PHEX: variants seen among roughly 807,000 people sequenced by gnomAD.
PHEX encodes the protein phosphate regulating endopeptidase X-linked, also known as phosphate-regulating neutral endopeptidase PHEX.
A neutral mutation model predicts 68.0 loss-of-function variants in PHEX; 16 were observed. The observed-to-expected ratio is 0.24, with a 90% CI of 0.16 to 0.36. The LOEUF (loss-of-function observed/expected upper bound fraction) is 0.36, where lower values mean the gene tolerates loss of function less well. Ranked by LOEUF, PHEX falls within the 10% of genes least tolerant of loss-of-function variation. The pLI is 1.00. For missense variants in PHEX, 480 were observed against 575.5 expected, an observed-to-expected ratio of 0.83 and a Z score of 1.70; for synonymous variants, 208 against 205.1, an observed-to-expected ratio of 1.01 and a Z score of -0.12.
intron 3 of PHEX, among the ~76,000 whole-genome samples, chrX:22,069,698 G>A (rs1181217836): frequency 9.0e-6 from 1 of 111,547 alleles, no homozygotes; most frequent in East Asian, 2.8e-4. Context: ...ATATTTAGGT[G>A]GGAGTTTTCT....
chrX:22,222,658 C>T (rs1373054151), intron 18 of PHEX, among the ~76,000 whole-genome samples: 1 of 111,591 alleles, frequency 9.0e-6, no homozygotes, highest in East Asian at 2.8e-4. Flanking sequence ...GGTTAAAAAC[C>T]CCCCAAAAAA....
intron 12 of PHEX, among the ~76,000 whole-genome samples, chrX:22,150,023 A>G (rs752627012): frequency 1.8e-5 from 2 of 111,935 alleles, no homozygotes; most frequent in Non-Finnish European, 3.8e-5. Flanking sequence ...CTTTATCAGC[A>G]TCTAATGAGA....
intron 12 of PHEX, among the ~76,000 whole-genome samples, chrX:22,164,874 A>T (rs922664742): frequency 8.9e-6 from 1 of 112,188 alleles, no homozygotes; most frequent in Non-Finnish European, 1.9e-5. Flanking sequence ...ACCTCTAGTT[A>T]TCTGCTATCT....
chrX:22,234,880 C>G, intron 20 of PHEX, among the ~76,000 whole-genome samples: 1 of 109,761 alleles, frequency 9.1e-6, no homozygotes, highest in East Asian at 2.9e-4. Flanking sequence ...CAACAAAAAA[C>G]TCTTGCAGCT....
intron 11 of PHEX, among the ~76,000 whole-genome samples, chrX:22,124,424 T>C (rs1602315613): frequency 8.9e-6 from 1 of 112,103 alleles, no homozygotes; most frequent in African/African-American, 3.2e-5. Context: ...CTTTGCCACA[T>C]ATTATCAGCC....
At chrX:22,241,531 CTAAT>C (rs1426268949) in intron 20 of PHEX, among the ~76,000 whole-genome samples, 1 of 110,735 alleles carries the variant, frequency 9.0e-6, no homozygotes, top group Non-Finnish European at 1.9e-5. Flanking sequence ...ACTAGCCAGA[CTAAT>C]AAAGAATAAA....
intron 15 of PHEX, among the ~76,000 whole-genome samples, chrX:22,196,354 G>A (rs1569424477): frequency 8.9e-6 from 1 of 112,224 alleles, no homozygotes; most frequent in Non-Finnish European, 1.9e-5. Flanking sequence ...ACCAGGGATT[G>A]GCAAACTATT....
At chrX:22,049,538 A>G (rs958997674) in intron 3 of PHEX, among the ~76,000 whole-genome samples, 1 of 111,851 alleles carries the variant, frequency 8.9e-6, no homozygotes, top group Non-Finnish European at 1.9e-5. Flanking sequence ...AGAGTACTCT[A>G]AATTTCATTT....
intron 18 of PHEX, among the ~76,000 whole-genome samples, chrX:22,222,569 C>CGTTA (rs1569432350): frequency 9.0e-6 from 1 of 111,654 alleles, no homozygotes; most frequent in Admixed American, 9.5e-5. Context: ...AATAAAAGAT[C>CGTTA]GTTAGTTAAT....
At chrX:22,236,031 A>AGAAAAAACTCAGCCTTAGTGGGGC (rs1935966352) in intron 20 of PHEX, among the ~76,000 whole-genome samples, 1 of 111,723 alleles carries the variant, frequency 9.0e-6, no homozygotes, top group Non-Finnish European at 1.9e-5. Flanking sequence ...CCACTGGGTG[A>AGAAAAAACTCAGCCTTAGTGGGGC]GAAAAAACTC....
intron 3 of PHEX, among the ~76,000 whole-genome samples, chrX:22,066,893 G>A (rs767501777): frequency 2.7e-5 from 3 of 111,235 alleles, no homozygotes; most frequent in African/African-American, 9.8e-5. Context: ...GGATTTCAGG[G>A]ATGTGATGTT....
At chrX:22,234,631 GTCC>G (rs1316749966) in intron 20 of PHEX, among the ~76,000 whole-genome samples, 5 of 109,314 alleles carry the variant, frequency 4.6e-5, no homozygotes, top group Non-Finnish European at 9.5e-5. Flanking sequence ...AAGCTCAAGT[GTCC>G]CAGGTCAATC....
At chrX:22,111,420 G>A in intron 9 of PHEX, 47 bp from the exon 10 acceptor site, 1 of 983,485 alleles carries the variant, frequency 1.0e-6, no homozygotes, top group East Asian at 3.0e-5. Context: ...CAGAGCATCA[G>A]ATATTGACCT....
chrX:22,130,415 G>A (rs925963349), intron 11 of PHEX, among the ~76,000 whole-genome samples: 5 of 109,436 alleles, frequency 4.6e-5, no homozygotes, highest in African/African-American at 1.3e-4. Context: ...GGTGGTGCAT[G>A]TCTGTGATCC....
intron 16 of PHEX, among the ~76,000 whole-genome samples, chrX:22,216,500 TTTA>T (rs775597999): frequency 0.24 from 20,365 of 83,417 alleles, 1,830 homozygotes; most frequent in African/African-American, 0.42. Context: ...TGCTTATTTA[TTTA>T]TTTATTTATT....
chrX:22,223,633 C>T (rs1358890640), intron 18 of PHEX, among the ~76,000 whole-genome samples: 1 of 104,727 alleles, frequency 9.5e-6, no homozygotes, highest in African/African-American at 3.5e-5. Context: ...CCTGTAGTCC[C>T]AGCTACTCAG....
intron 12 of PHEX, among the ~76,000 whole-genome samples, chrX:22,142,609 T>A (rs1932518650): frequency 1.8e-5 from 2 of 112,442 alleles, no homozygotes; most frequent in African/African-American, 6.5e-5. Flanking sequence ...CCTTTGGCAA[T>A]GCCCTTCCAG....
At chrX:22,071,165 G>A (rs1489243964) in intron 3 of PHEX, among the ~76,000 whole-genome samples, 1 of 111,341 alleles carries the variant, frequency 9.0e-6, no homozygotes, top group Non-Finnish European at 1.9e-5. Flanking sequence ...CTTCCGAGCA[G>A]AACTAAGTAT....
chrX:22,151,979 C>A (rs778363561), intron 12 of PHEX, among the ~76,000 whole-genome samples: 79 of 111,868 alleles, frequency 7.1e-4, no homozygotes, highest in African/African-American at 2.2e-3. Flanking sequence ...TTTGTCTTGG[C>A]ATGTTGAATA....
Sources: allele counts gnomAD v4.1 joint callset (sites outside exome capture counted in the v4.1 genomes callset), GRCh38; gene constraint gnomAD v4.1.1; transcripts MANE v1.5; gene names NCBI Gene and HGNC (gene_info 2026-07-23, HGNC 2026-07-21).